The following ATP7B variants were observed in gnomAD, a reference collection of about 807,000 sequenced individuals.
ATP7B encodes copper-transporting ATPase 2.
A neutral mutation model predicts 118.9 loss-of-function variants in ATP7B; 113 were observed. The ratio of observed to expected loss-of-function variants is 0.95; its 90% CI spans 0.82 to 1.11. The LOEUF is 1.11. Among genes scored for constraint, ATP7B ranks in the 50% most tolerant of loss-of-function variants. The pLI is 0.00. For synonymous variants in ATP7B, 777 were observed against 727.4 expected, an observed-to-expected ratio of 1.07 and a Z score of -1.10; for missense variants, 1,867 against 1,871.4, an observed-to-expected ratio of 1.00 and a Z score of 0.04.
chr13:51,987,707 AAACAGAGATATAGACCAATGG>A (rs1267696118), intron 1 of ATP7B, among the ~76,000 whole-genome samples: 1 of 152,232 alleles, frequency 6.6e-6, no homozygotes, highest in Non-Finnish European at 1.5e-5. Context: ...ACTGGTACCA[AAACAGAGATATAGACCAATGG>A]AACAGAACAT....
intron 1 of ATP7B, among the ~76,000 whole-genome samples, chr13:51,989,890 A>T (rs902957489): frequency 2.0e-5 from 3 of 151,860 alleles, no homozygotes; most frequent in African/African-American, 7.2e-5. Flanking sequence ...TTATTTATTT[A>T]TTTTTTTTAC....
intron 1 of ATP7B, among the ~76,000 whole-genome samples, chr13:52,005,611 G>C (rs1470275877): frequency 2.0e-5 from 3 of 152,208 alleles, no homozygotes; most frequent in Non-Finnish European, 4.4e-5. Flanking sequence ...TTCAGGTTCT[G>C]TCTACAGCTC....
At chr13:51,965,643 C>A (rs78930227) in intron 4 of ATP7B, among the ~76,000 whole-genome samples, 2 of 152,032 alleles carry the variant, frequency 1.3e-5, no homozygotes, top group Non-Finnish European at 2.9e-5. Flanking sequence ...AGGAGAAGCT[C>A]GAAAAAGACG....
Position 51,934,645 on chromosome 13 carries a change from C to T in ATP7B, c.*111G>A, listed in dbSNP as rs546262455. 388 of 1,514,096 alleles carry T rather than the reference C, an allele frequency of 2.6e-4. 9 individuals carry two copies. In the South Asian group the frequency reaches 4.1e-3, roughly 16 times the overall value. 93.8% of individuals were successfully genotyped at this position (1,514,096 alleles called of 1,614,324 possible). ...AGGATGACTGGACATATCCAGGGAGCGGAAGTCCCCAAAGCTGGAGGCTAG... is the reference window on the plus strand; with the variant it reads ...AGGATGACTGGACATATCCAGGGAGTGGAAGTCCCCAAAGCTGGAGGCTAG... On this transcript the variant is annotated 3_prime_UTR_variant, in exon 21 of 21. Transcript: ENST00000242839.
At chr13:52,011,776 T>A (rs1291741195), upstream of ATP7B, among the ~76,000 whole-genome samples, 4 of 152,234 alleles carry the variant, frequency 2.6e-5, no homozygotes, top group Non-Finnish European at 4.4e-5. Flanking sequence ...CTCGGCCACC[T>A]CGCGCTGGTG....
intron 1 of ATP7B, among the ~76,000 whole-genome samples, chr13:51,994,837 G>A (rs1953120009): frequency 6.6e-6 from 1 of 152,154 alleles, no homozygotes; most frequent in African/African-American, 2.4e-5. Flanking sequence ...CCACCAGTCT[G>A]CTCAGAAATG....
intron 9 of ATP7B, among the ~76,000 whole-genome samples, chr13:51,955,720 C>A (rs1201788950): frequency 1.3e-5 from 2 of 152,042 alleles, no homozygotes; most frequent in African/African-American, 4.8e-5. Flanking sequence ...CAGCTGCCAG[C>A]GGCTTGGCTC....
In ATP7B at chr13:51,974,602, A is replaced by T. The variant is rs764353593; in HGVS notation, c.618T>A (p.Phe206Leu). 1 of 1,613,814 alleles carries T rather than the reference A, an allele frequency of 6.2e-7. No individual in the cohort carries two copies. The highest frequency in any genetic ancestry group is 8.5e-7 in the Non-Finnish European group (1 of 1,179,840). The part of the protein sequence containing the change: ...DLRDHVNDMG[F>L]EAAIKSKVAP... ...CCACTTTGCTCTTGATGGCAGCTTC[A>T]AATCCCATGTCATTTACATGGTCCC... is the stretch of plus-strand genomic sequence containing the variant. The change falls in exon 2 of 21, where the codon TTT (phenylalanine) becomes TTA (leucine). Residue 206 changes from phenylalanine (F) to leucine (L), a missense_variant. Coordinates refer to ENST00000242839, the MANE Select transcript of ATP7B (RefSeq NM_000053.4).
intron 3 of ATP7B, 57 bp downstream of exon 3, chr13:51,970,435 A>C: frequency 6.2e-7 from 1 of 1,610,678 alleles, no homozygotes; most frequent in Non-Finnish European, 8.5e-7. Flanking sequence ...TTCTGAAGGG[A>C]GAATACGAGG....
At chr13:51,952,965 T>TCATA (rs1482259964) in intron 9 of ATP7B, among the ~76,000 whole-genome samples, 4 of 152,244 alleles carry the variant, frequency 2.6e-5, no homozygotes, top group Admixed American at 1.3e-4. Flanking sequence ...GTTTATAGCC[T>TCATA]CATAACTAAA....
chr13:51,980,914 T>A (rs114906387), intron 1 of ATP7B, among the ~76,000 whole-genome samples: 344 of 152,336 alleles, frequency 2.3e-3, no homozygotes, highest in African/African-American at 6.5e-3. Context: ...ACTTAACACA[T>A]CTGAACTTTC....
chr13:51,976,974 C>T (rs1425300849), intron 1 of ATP7B, among the ~76,000 whole-genome samples: 1 of 152,094 alleles, frequency 6.6e-6, no homozygotes, highest in Non-Finnish European at 1.5e-5. Context: ...TTAGGCTACA[C>T]TAAATTTATA....
At position 51,968,475 on chromosome 13, in the gene ATP7B, T is replaced by G. The variant is rs1266694873; in HGVS notation, c.1676A>C (p.Tyr559Ser). The G allele has an allele frequency of 6.2e-7, 1 of 1,614,206 alleles. No homozygotes were observed. The highest frequency in any genetic ancestry group is 8.5e-7 in the Non-Finnish European group (1 of 1,180,040). The change falls in exon 4 of 21, where the codon TAC (tyrosine) becomes TCC (serine). Residue 559 changes from tyrosine to serine, a missense_variant. Tyr to Ser is a moderately radical substitution (Grantham distance 144, BLOSUM62 -2). Coordinates refer to ENST00000242839, the MANE Select transcript of ATP7B (RefSeq NM_000053.4). The part of the protein sequence containing the change: ...LGFEAAVMED[Y>S]AGSDGNIELT... The stretch of plus-strand genomic sequence containing the variant: ...CTCAATGTTGCCATCGGAGCCTGCG[T>G]AGTCCTCCATGACTGCTGCCTCAAA...
intron 12 of ATP7B, among the ~76,000 whole-genome samples, chr13:51,948,977 C>T (rs756265766): frequency 5.3e-5 from 8 of 152,170 alleles, no homozygotes; most frequent in South Asian, 4.2e-4. Flanking sequence ...GTCAGGAGTT[C>T]GAAGCCAGCC....
At position 51,934,605 on chromosome 13, in the gene ATP7B, C is replaced by G; in HGVS notation, c.*151G>C. On this transcript the variant is annotated 3_prime_UTR_variant, in exon 21 of 21. Coordinates refer to ENST00000242839, the MANE Select transcript of ATP7B (RefSeq NM_000053.4). Reference sequence around the variant, plus strand: ...AAGCCCAGCTGCACCCAGACAAGGCCGCGTGCTGCAGGGCAGGATGACTGG... The same window carrying G: ...AAGCCCAGCTGCACCCAGACAAGGCGGCGTGCTGCAGGGCAGGATGACTGG... The G allele has an allele frequency of 7.8e-7, 1 of 1,284,756 alleles. No individual in the cohort carries two copies. The highest frequency in any genetic ancestry group is 1.1e-6 in the Non-Finnish European group (1 of 924,526). The allele number at this position is 1,284,756 out of a possible 1,614,324, so 79.6% of individuals were successfully genotyped here. A position where few individuals can be genotyped will look rare whatever the true frequency, so the allele number is the denominator to read the frequency against.
At chr13:51,951,225 C>A (rs971239122) in intron 9 of ATP7B, among the ~76,000 whole-genome samples, 2 of 151,914 alleles carry the variant, frequency 1.3e-5, no homozygotes, top group African/African-American at 4.8e-5. Flanking sequence ...CATGTGTTAA[C>A]AAGATGTGAA....
chr13:51,938,999 C>A, intron 17 of ATP7B, 52 bp downstream of exon 17: 1 of 1,614,112 alleles, frequency 6.2e-7, no homozygotes, highest in South Asian at 1.1e-5. Flanking sequence ...TTACTTTTGT[C>A]TCTAACTGCT....
intron 1 of ATP7B, among the ~76,000 whole-genome samples, chr13:52,003,392 G>A (rs1295733947): frequency 1.3e-5 from 2 of 152,288 alleles, no homozygotes; most frequent in Middle Eastern, 3.4e-3. Context: ...CAGTGGAGCA[G>A]TCAGAATGTA....
At chr13:51,997,776 C>T (rs899984009) in intron 1 of ATP7B, among the ~76,000 whole-genome samples, 1 of 152,244 alleles carries the variant, frequency 6.6e-6, no homozygotes, top group African/African-American at 2.4e-5. Context: ...AACTCAGTGA[C>T]TGCTGGATCA....
Sources: gnomAD v4.1 joint callset for allele counts (sites outside exome capture counted in the v4.1 genomes callset) on GRCh38, gnomAD v4.1.1 for gene constraint, MANE v1.5 for transcripts, NCBI Gene and HGNC (gene_info 2026-07-23, HGNC 2026-07-21) for gene names.